AK9: variants seen among roughly 807,000 people sequenced by gnomAD.
The protein encoded by AK9 is adenylate kinase domain containing 1.
A neutral mutation model predicts 239.6 loss-of-function variants in AK9; 191 were observed. That is an observed-to-expected ratio of 0.80 (90% CI 0.71 to 0.90). The LOEUF (loss-of-function observed/expected upper bound fraction) is 0.90, where lower values mean the gene tolerates loss of function less well. Among genes scored for constraint, AK9 ranks in the 40% least tolerant of loss-of-function variants. The probability of loss-of-function intolerance (pLI) is 0.00; values close to 1 mark genes in which losing one functional copy is unlikely to be tolerated. For missense variants in AK9, 1,995 were observed against 2,214.7 expected (o/e 0.90, Z 1.99); for synonymous variants, 689 against 721.0 (o/e 0.96, Z 0.71).
In AK9 at chr6:109,633,039, G is replaced by T. The variant is rs142380683; in HGVS notation, c.1138C>A (p.Arg380Ser). 3 of 1,579,272 alleles carry T rather than the reference G, an allele frequency of 1.9e-6. No individual in the cohort carries two copies. The highest frequency in any genetic ancestry group is 1.7e-6 in the Non-Finnish European group (2 of 1,168,682). ...EALKPFLLNP[R>S]PYLLPPMPGP... ...GGCATAGGTGGAAGCAGATAGGGAC[G>T]TGGGTTCAACAAAAATGGTTTTAAT... Residue 380 changes from arginine to serine, a missense_variant, in exon 12 of 41, where the codon CGT becomes AGT. Coordinates refer to ENST00000424296, the MANE Select transcript of AK9 (RefSeq NM_001145128.3).
At chr6:109,555,495 G>A (rs1347811917) in intron 24 of AK9, among the ~76,000 whole-genome samples, 1 of 152,160 alleles carries the variant, frequency 6.6e-6, no homozygotes, top group African/African-American at 2.4e-5. Context: ...CTATTGATTT[G>A]GGGTATCGAG....
rs529855076 is a variant in AK9, at chr6:109,578,821, T to C, written c.2191+729A>G. Among the ~76,000 whole-genome samples, 22 of 152,338 alleles carry C rather than the reference T, an allele frequency of 1.4e-4. No homozygotes were observed. In the East Asian group the frequency reaches 3.1e-3, roughly 21 times the overall value. Reference sequence around the variant, plus strand: ...GGCCTAAAGAACATTCAGGAGCAGGTTGTCTAATTTCCATGTATTCGTATA... The same window carrying C: ...GGCCTAAAGAACATTCAGGAGCAGGCTGTCTAATTTCCATGTATTCGTATA... On this transcript the variant is annotated intron_variant, in intron 20 of 40. Transcript: ENST00000424296.
At chr6:109,659,188 A>C in intron 7 of AK9, 40 bp downstream of exon 7, 1 of 1,466,622 alleles carries the variant, frequency 6.8e-7, no homozygotes, top group South Asian at 1.5e-5. Context: ...TAGCAATTTT[A>C]AAAAGTGTAG....
chr6:109,570,448 A>G (rs1240428671), intron 21 of AK9, among the ~76,000 whole-genome samples: 1 of 152,130 alleles, frequency 6.6e-6, no homozygotes, highest in Admixed American at 6.6e-5. Flanking sequence ...TAAAAAAAAG[A>G]AAAACCACCT....
intron 17 of AK9, among the ~76,000 whole-genome samples, chr6:109,596,310 A>C (rs958681940): frequency 6.6e-6 from 1 of 152,166 alleles, no homozygotes; most frequent in Admixed American, 6.5e-5. Context: ...AGGCACCAGC[A>C]CCAGCTCCAA....
chr6:109,671,681 C>T (rs6568591), intron 5 of AK9, among the ~76,000 whole-genome samples: 108,394 of 152,112 alleles, frequency 0.71, 39,112 homozygotes, highest in East Asian at 0.99. Context: ...GATGCTTTTA[C>T]TGGATAACAC....
intron 29 of AK9, among the ~76,000 whole-genome samples, chr6:109,520,153 A>G (rs1779686189): frequency 6.6e-6 from 1 of 152,126 alleles, no homozygotes; most frequent in Non-Finnish European, 1.5e-5. Flanking sequence ...TGTTTTTGGT[A>G]CAATTACTTT....
intron 31 of AK9, among the ~76,000 whole-genome samples, chr6:109,515,509 G>GC: frequency 6.6e-6 from 1 of 152,252 alleles, no homozygotes; most frequent in East Asian, 1.9e-4. Flanking sequence ...TGGCAATATT[G>GC]CTCCTCCCTG....
At chr6:109,600,752 C>T (rs970798737) in intron 17 of AK9, among the ~76,000 whole-genome samples, 2 of 152,186 alleles carry the variant, frequency 1.3e-5, no homozygotes, top group Admixed American at 1.3e-4. Flanking sequence ...GCCTCAATTT[C>T]AGAGCCTGTT....
At chr6:109,667,914 A>G (rs892294462) in intron 5 of AK9, among the ~76,000 whole-genome samples, 3 of 152,196 alleles carry the variant, frequency 2.0e-5, no homozygotes, top group African/African-American at 7.2e-5. Flanking sequence ...TTGGCTATAT[A>G]CCCAGTAATG....
intron 1 of AK9, among the ~76,000 whole-genome samples, chr6:109,682,941 AC>A (rs1327410334): frequency 6.6e-6 from 1 of 152,214 alleles, no homozygotes; most frequent in Non-Finnish European, 1.5e-5. Context: ...GAGAGACACA[AC>A]AAAAAAAGAA....
chr6:109,644,770 C>A (rs888175089), intron 8 of AK9, 82 bp from the exon 9 acceptor site: 14 of 1,156,288 alleles, frequency 1.2e-5, no homozygotes, highest in East Asian at 2.5e-5. Context: ...ATATACTGTG[C>A]AGATATATTT....
At chr6:109,656,981 G>T in intron 7 of AK9, 97 bp from the exon 8 acceptor site, 1 of 1,427,714 alleles carries the variant, frequency 7.0e-7, no homozygotes, top group Non-Finnish European at 9.6e-7. Flanking sequence ...TATCATTTTG[G>T]GGTGAGAAGC....
intron 12 of AK9, among the ~76,000 whole-genome samples, chr6:109,628,079 T>A (rs890576846): frequency 6.6e-6 from 1 of 152,018 alleles, no homozygotes; most frequent in African/African-American, 2.4e-5. Flanking sequence ...TAAGGGAGGG[T>A]GTAGAGTAGG....
intron 1 of AK9, among the ~76,000 whole-genome samples, chr6:109,682,059 T>C (rs1334215527): frequency 6.6e-6 from 1 of 152,026 alleles, no homozygotes; most frequent in Non-Finnish European, 1.5e-5. Flanking sequence ...AAATTAAAAA[T>C]CTACAGAAGA....
At chr6:109,559,728 T>C (rs1230155674) in intron 24 of AK9, among the ~76,000 whole-genome samples, 1 of 152,224 alleles carries the variant, frequency 6.6e-6, no homozygotes, top group Non-Finnish European at 1.5e-5. Context: ...TTTTGTTGAT[T>C]CCATTGGCTT....
chr6:109,677,160 G>A (rs949994825), intron 1 of AK9, among the ~76,000 whole-genome samples: 6 of 152,070 alleles, frequency 3.9e-5, no homozygotes, highest in African/African-American at 1.4e-4. Flanking sequence ...TTATCTGAGT[G>A]ATGAAATAAT....
At chr6:109,647,989 A>G (rs1299552230) in intron 8 of AK9, among the ~76,000 whole-genome samples, 2 of 152,140 alleles carry the variant, frequency 1.3e-5, no homozygotes, top group African/African-American at 2.4e-5. Context: ...CTGAATGACT[A>G]CTGGGTACAT....
chr6:109,586,029 T>C lies in AK9; in HGVS notation c.1886A>G (p.Tyr629Cys). The C allele has an allele frequency of 6.4e-7, 1 of 1,551,360 alleles. No homozygotes were observed. The highest frequency in any genetic ancestry group is 8.7e-7 in the Non-Finnish European group (1 of 1,146,888). ...NKDRFPGAPKYGGWIVDNCPI... is the reference protein window; with the variant it reads ...NKDRFPGAPKCGGWIVDNCPI... ...GCAGTTGTCCACAATCCAGCCTCCA[T>C]ATTTTGGGGCACCAGGAAACCTATC... The change falls in exon 18 of 41, where the codon TAT (tyrosine) becomes TGT (cysteine). Residue 629 changes from tyrosine (Y) to cysteine (C), a missense_variant. By Grantham distance (194) the Tyr-to-Cys change is radical. Around this residue, in one of 5 missense-constraint regions of AK9, gnomAD observed 1,290 missense variants for 1,392.7 expected, o/e 0.93. Transcript: ENST00000424296.
Sources: gnomAD v4.1 joint callset for allele counts (sites outside exome capture counted in the v4.1 genomes callset) on GRCh38, gnomAD v4.1.1 for gene constraint, gnomAD v4.1.1 regional missense constraint, MANE v1.5 for transcripts, NCBI Gene and HGNC (gene_info 2026-07-23, HGNC 2026-07-21) for gene names.